The following LRP11 variants were observed in gnomAD, a reference collection of about 807,000 sequenced individuals.
LRP11 encodes the protein LDL receptor related protein 11, also known as low-density lipoprotein receptor-related protein 11.
A neutral mutation model predicts 43.1 loss-of-function variants in LRP11; 25 were observed. The observed-to-expected ratio is 0.58, with a 90% confidence interval of 0.42 to 0.81. The LOEUF (loss-of-function observed/expected upper bound fraction) is 0.81. Among genes scored for constraint, LRP11 ranks in the 30% least tolerant of loss-of-function variants. The probability of loss-of-function intolerance (pLI) is 0.00; values close to 1 mark genes in which losing one functional copy is unlikely to be tolerated. For missense variants in LRP11, 623 were observed against 665.1 expected, an observed-to-expected ratio of 0.94 and a Z score of 0.70; for synonymous variants, 316 against 299.4, an observed-to-expected ratio of 1.06 and a Z score of -0.57.
intron 5 of LRP11, among the ~76,000 whole-genome samples, chr6:149,834,477 C>T (rs530674154): frequency 3.4e-4 from 52 of 152,204 alleles, no homozygotes; most frequent in Non-Finnish European, 6.3e-4. Context: ...TTCATGCTCA[C>T]GTGGTTCTCT....
intron 5 of LRP11, among the ~76,000 whole-genome samples, chr6:149,828,750 A>G (rs1776372280): frequency 6.6e-6 from 1 of 152,050 alleles, no homozygotes; most frequent in Admixed American, 6.6e-5. Flanking sequence ...TTGACCTCCC[A>G]AAGTGCTGGA....
rs118024428 is a variant in LRP11 at position 149,841,514 on chromosome 6, G to T, written c.913+1469C>A. ...TAGCACCTCTCCAGAAGTGAATTGTGTGTGTGGTGAGGGGTTCCCTCTACA... is the reference window on the plus strand; with the variant it reads ...TAGCACCTCTCCAGAAGTGAATTGTTTGTGTGGTGAGGGGTTCCCTCTACA... On this transcript the variant is annotated intron_variant, in intron 3 of 6. Coordinates refer to ENST00000239367, the MANE Select transcript of LRP11 (RefSeq NM_032832.6). Among the ~76,000 whole-genome samples, 78 of 152,338 alleles carry T rather than the reference G, an allele frequency of 5.1e-4. 1 individual carries two copies. The East Asian group carries it at 0.015, about 29-fold the overall frequency.
At chr6:149,822,465 G>A (rs1042887315) in intron 6 of LRP11, among the ~76,000 whole-genome samples, 3 of 150,264 alleles carry the variant, frequency 2.0e-5, no homozygotes, top group African/African-American at 7.4e-5. Flanking sequence ...CTCTTAAACT[G>A]TACTCCAGCT....
intron 5 of LRP11, 138 bp downstream of exon 5, chr6:149,835,947 C>A: frequency 1.3e-6 from 1 of 768,422 alleles, no homozygotes; most frequent in South Asian, 1.8e-5. Flanking sequence ...TTTCCCCCCG[C>A]CTTTCTGGCC....
intron 1 of LRP11, 147 bp downstream of exon 1, chr6:149,863,261 C>T: frequency 1.7e-6 from 2 of 1,185,812 alleles, no homozygotes; most frequent in Non-Finnish European, 2.1e-6. Flanking sequence ...TTCCTCTTCC[C>T]TAAGACAGAG....
At chr6:149,843,219 C>G in intron 2 of LRP11, 95 bp from the exon 3 acceptor site, 1 of 1,431,756 alleles carries the variant, frequency 7.0e-7, no homozygotes, top group Admixed American at 1.7e-5. Flanking sequence ...TCAGAGCAGC[C>G]CCAGGACCTG....
At position 149,863,929 on chromosome 6, in the gene LRP11, C is replaced by T. The variant is rs1776988955; in HGVS notation, c.92G>A (p.Trp31Ter). ...ALRGLLLLCL[W>*]LPSGRAALPP... The stretch of plus-strand genomic sequence containing the variant: ...CAAGGCCGCACGGCCGCTTGGCAGC[C>T]ACAGGCAGAGCAGTAGCAGCCCGCG... The change falls in exon 1 of 7, where the codon TGG (tryptophan) becomes TAG (stop). Residue 31 changes from tryptophan (W) to a stop codon, truncating the protein, a stop_gained. Coordinates refer to ENST00000239367, the MANE Select transcript of LRP11 (RefSeq NM_032832.6). LOFTEE classifies it high-confidence loss of function. 4.1e-6 allele frequency: 6 copies of T among 1,477,448 alleles called. No homozygotes were observed. The highest frequency in any genetic ancestry group is 5.3e-6 in the Non-Finnish European group (6 of 1,121,516). 91.5% of individuals were successfully genotyped at this position (1,477,448 alleles called of 1,614,324 possible). A position where few individuals can be genotyped will look rare whatever the true frequency, so the allele number is the denominator to read the frequency against.
intron 1 of LRP11, among the ~76,000 whole-genome samples, chr6:149,854,973 G>C (rs73779587): frequency 6.6e-6 from 1 of 152,148 alleles, no homozygotes; most frequent in East Asian, 1.9e-4. Flanking sequence ...CTAATCTGAC[G>C]GGGTCATTCT....
chr6:149,838,080 G>T (rs1357059467), intron 3 of LRP11, among the ~76,000 whole-genome samples: 3 of 151,870 alleles, frequency 2.0e-5, no homozygotes, highest in Non-Finnish European at 4.4e-5. Context: ...ACCACACCCG[G>T]TTAATTTTTG....
intron 1 of LRP11, among the ~76,000 whole-genome samples, chr6:149,854,367 A>C (rs1562446117): frequency 6.6e-6 from 1 of 152,128 alleles, no homozygotes; most frequent in South Asian, 2.1e-4. Flanking sequence ...TCAGCCTCCC[A>C]AAGTGCTGGA....
chr6:149,860,476 C>A (rs554875265), intron 1 of LRP11, among the ~76,000 whole-genome samples: 2 of 148,674 alleles, frequency 1.3e-5, no homozygotes, highest in African/African-American at 4.9e-5. Context: ...TAGTCATGGG[C>A]ATGACCCAAC....
rs187856349 is a variant in LRP11 at position 149,819,540 on chromosome 6, G to A, written c.*1009C>T. 2.6e-3 allele frequency: 404 copies of A among 152,692 alleles called. 2 individuals are homozygous for A. The highest frequency in any genetic ancestry group is 9.4e-3 in the African/African-American group (389 of 41,550). 9.5% of individuals were successfully genotyped at this position (152,692 alleles called of 1,614,324 possible). ...TTATGGTCTAGAAATACGTAAGCCTGGCATTAGCTGATGGCACATTCTAAC... is the reference window on the plus strand; with the variant it reads ...TTATGGTCTAGAAATACGTAAGCCTAGCATTAGCTGATGGCACATTCTAAC... On this transcript the variant is annotated 3_prime_UTR_variant, in exon 7 of 7. Coordinates refer to ENST00000239367, the MANE Select transcript of LRP11 (RefSeq NM_032832.6).
chr6:149,840,457 T>C (rs1050180370), intron 3 of LRP11, among the ~76,000 whole-genome samples: 2 of 152,226 alleles, frequency 1.3e-5, no homozygotes, highest in African/African-American at 4.8e-5. Context: ...TACAGTTTAT[T>C]ATCATCTTGG....
At chr6:149,856,698 T>C (rs1001050353) in intron 1 of LRP11, among the ~76,000 whole-genome samples, 2 of 152,174 alleles carry the variant, frequency 1.3e-5, no homozygotes, top group Non-Finnish European at 2.9e-5. Context: ...CTCCTGCCGA[T>C]TGAGAATGAG....
At chr6:149,832,048 C>T (rs1387899112) in intron 5 of LRP11, among the ~76,000 whole-genome samples, 1 of 152,226 alleles carries the variant, frequency 6.6e-6, no homozygotes, top group Non-Finnish European at 1.5e-5. Flanking sequence ...AGACTTGTTT[C>T]TCTCTACTCT....
intron 6 of LRP11, among the ~76,000 whole-genome samples, chr6:149,822,164 A>G (rs1562434910): frequency 6.6e-6 from 1 of 152,110 alleles, no homozygotes; most frequent in Non-Finnish European, 1.5e-5. Flanking sequence ...CCTGGGCAAC[A>G]TGGCGAGACC....
chr6:149,859,852 T>C (rs890248294), intron 1 of LRP11, among the ~76,000 whole-genome samples: 1 of 152,188 alleles, frequency 6.6e-6, no homozygotes, highest in African/African-American at 2.4e-5. Context: ...TCCTTCCAGA[T>C]ATGGAAGTTT....
chr6:149,863,517 G>C lies in LRP11; in HGVS notation c.504C>G (p.Arg168=). 1 of 1,347,948 alleles carries C rather than the reference G, an allele frequency of 7.4e-7. No individual in the cohort carries two copies. The highest frequency in any genetic ancestry group is 9.4e-7 in the Non-Finnish European group (1 of 1,059,372). The allele number at this position is 1,347,948 out of a possible 1,614,324, so 83.5% of individuals were successfully genotyped here. The change falls in exon 1 of 7, where the codon CGC becomes CGG. Residue 168 remains arginine, a synonymous_variant. Transcript: ENST00000239367. ...LGCYLFNCTA[R]GRNVCKFALH... ...GCGCGAACTTGCAGACGTTGCGGCCGCGCGCCGTGCAGTTGAAGAGGTAGC... is the reference window on the plus strand; with the variant it reads ...GCGCGAACTTGCAGACGTTGCGGCCCCGCGCCGTGCAGTTGAAGAGGTAGC...
At chr6:149,835,946 G>A (rs552515996) in intron 5 of LRP11, 139 bp downstream of exon 5, 80 of 752,448 alleles carry the variant, frequency 1.1e-4, no homozygotes, top group South Asian at 4.0e-4. Context: ...ATTTCCCCCC[G>A]CCTTTCTGGC....
Sources: allele counts gnomAD v4.1 joint callset (sites outside exome capture counted in the v4.1 genomes callset), GRCh38; gene constraint gnomAD v4.1.1; transcripts MANE v1.5; gene names NCBI Gene and HGNC (gene_info 2026-07-23, HGNC 2026-07-21).